Variants in ZFHX3 observed in about 807,000 individuals in gnomAD.
The protein encoded by ZFHX3 is zinc finger homeobox 3.
Under a neutral mutation model 279.1 loss-of-function variants are expected in ZFHX3, and 42 were observed. That is an observed-to-expected ratio of 0.15 (90% CI 0.12 to 0.19). The LOEUF (loss-of-function observed/expected upper bound fraction) is 0.19. Among genes scored for constraint, ZFHX3 ranks in the 10% least tolerant of loss-of-function variants. The probability of loss-of-function intolerance (pLI) is 1.00; values close to 1 mark genes in which losing one functional copy is unlikely to be tolerated. For synonymous variants in ZFHX3, 2,293 were observed against 1,957.8 expected, an observed-to-expected ratio of 1.17 and a Z score of -4.52; for missense variants, 4,981 against 4,754.0, an observed-to-expected ratio of 1.05 and a Z score of -1.40.
At chr16:73,534,577 A>T (rs2019861423) in intron 2 of ZFHX3, among the ~76,000 whole-genome samples, 2 of 152,242 alleles carry the variant, frequency 1.3e-5, no homozygotes, top group African/African-American at 4.8e-5. Flanking sequence ...TTAGAACAGT[A>T]GCTGGCAGAT....
intron 2 of ZFHX3, among the ~76,000 whole-genome samples, chr16:73,668,439 A>T (rs2052867972): frequency 6.6e-6 from 1 of 152,000 alleles, no homozygotes; most frequent in Non-Finnish European, 1.5e-5. Context: ...ATTTCTCCTA[A>T]TGCTATCCCT....
At chr16:72,802,348 G>T (rs955945343) in intron 7 of ZFHX3, among the ~76,000 whole-genome samples, 6 of 152,004 alleles carry the variant, frequency 3.9e-5, no homozygotes, top group Non-Finnish European at 8.8e-5. Flanking sequence ...TTCCTGATTG[G>T]GATTCAAGAA....
At chr16:73,366,588 CAAAA>C (rs61090242) in intron 3 of ZFHX3, among the ~76,000 whole-genome samples, 38 of 121,880 alleles carry the variant, frequency 3.1e-4, no homozygotes, top group African/African-American at 7.5e-4. Flanking sequence ...AAACCAAAAC[CAAAA>C]AAAAAAAAAA....
intron 2 of ZFHX3, among the ~76,000 whole-genome samples, chr16:73,565,731 G>A (rs2143797361): frequency 6.6e-6 from 1 of 152,218 alleles, no homozygotes; most frequent in African/African-American, 2.4e-5. Flanking sequence ...CTCCTACACA[G>A]GTTAGTCCCT....
At chr16:72,999,763 G>C (rs1963427456) in intron 1 of ZFHX3, among the ~76,000 whole-genome samples, 1 of 152,198 alleles carries the variant, frequency 6.6e-6, no homozygotes, top group Non-Finnish European at 1.5e-5. Context: ...CACTTTGGCA[G>C]CAACTCTTGA....
chr16:73,695,603 C>T (rs553644875), intron 1 of ZFHX3, among the ~76,000 whole-genome samples: 19 of 152,294 alleles, frequency 1.2e-4, no homozygotes, highest in African/African-American at 3.6e-4. Flanking sequence ...AAAGGGTATA[C>T]GTTTAGGCTC....
intron 7 of ZFHX3, among the ~76,000 whole-genome samples, chr16:73,122,250 G>A (rs1966507940): frequency 6.6e-6 from 1 of 151,936 alleles, no homozygotes; most frequent in Admixed American, 6.6e-5. Context: ...CTGTAGCCCA[G>A]GCTGGAGTGC....
At chr16:73,521,534 A>G (rs1281787957) in intron 2 of ZFHX3, among the ~76,000 whole-genome samples, 1 of 152,032 alleles carries the variant, frequency 6.6e-6, no homozygotes, top group Non-Finnish European at 1.5e-5. Context: ...TCTGTCTCAC[A>G]CTGACTCTCA....
chr16:73,779,103 C>T (rs542656385), intron 1 of ZFHX3, among the ~76,000 whole-genome samples: 86 of 152,258 alleles, frequency 5.6e-4, no homozygotes, highest in Non-Finnish European at 1.0e-3. Flanking sequence ...GAGTGGCACA[C>T]AGAACCCGTG....
chr16:73,066,754 C>A (rs949059420), intron 8 of ZFHX3, among the ~76,000 whole-genome samples: 1 of 152,216 alleles, frequency 6.6e-6, no homozygotes, highest in Admixed American at 6.5e-5. Context: ...CGCCCAGGCC[C>A]CGTGCCTGCC....
intron 3 of ZFHX3, among the ~76,000 whole-genome samples, chr16:73,384,545 A>T (rs2143377521): frequency 6.6e-6 from 1 of 152,352 alleles, no homozygotes; most frequent in South Asian, 2.1e-4. Context: ...AACATTAAGT[A>T]CCAATCCTGT....
Position 73,815,038 on chromosome 16 carries a change from A to C in ZFHX3, c.-1608+76613T>G, listed in dbSNP as rs576535472. ...CAAATATTAGGAAACATTTCTCCAA[A>C]TACAATGGGAAATGCTAGATAATGT... On this transcript the variant is annotated intron_variant, in intron 1 of 17. Transcript: ENST00000641206. Among the ~76,000 whole-genome samples the C allele has an allele frequency of 3.9e-5, 6 of 152,362 alleles. No individual in the cohort carries two copies. In the South Asian group the frequency reaches 8.3e-4, roughly 21 times the overall value.
chr16:73,309,207 T>G (rs2015265797), intron 4 of ZFHX3, among the ~76,000 whole-genome samples: 1 of 152,190 alleles, frequency 6.6e-6, no homozygotes, highest in Admixed American at 6.5e-5. Context: ...CATAGTTGTT[T>G]TTTTGGATCC....
chr16:73,100,072 G>A (rs1401859830), intron 7 of ZFHX3, among the ~76,000 whole-genome samples: 1 of 152,182 alleles, frequency 6.6e-6, no homozygotes, highest in Admixed American at 6.5e-5. Context: ...AAAGATACCT[G>A]TGGAGAAGCC....
intron 2 of ZFHX3, among the ~76,000 whole-genome samples, chr16:73,596,750 T>C (rs918328488): frequency 6.6e-6 from 1 of 152,226 alleles, no homozygotes; most frequent in Non-Finnish European, 1.5e-5. Flanking sequence ...CTATCTTCTC[T>C]ACTGAACAGT....
intron 2 of ZFHX3, among the ~76,000 whole-genome samples, chr16:73,515,255 A>T (rs1018619752): frequency 6.6e-6 from 1 of 152,184 alleles, no homozygotes; most frequent in African/African-American, 2.4e-5. Flanking sequence ...TCAGTTGCCA[A>T]TTACCAATTC....
chr16:72,829,034 C>T (rs1300306269), intron 5 of ZFHX3, among the ~76,000 whole-genome samples: 6 of 150,800 alleles, frequency 4.0e-5, no homozygotes, highest in East Asian at 3.9e-4. Context: ...CTCACTCTGT[C>T]GCGCAGGCTG....
rs529486278 is a variant in ZFHX3 at position 73,316,433 on chromosome 16, T to C, written c.-1194+1807A>G. On this transcript the variant is annotated intron_variant, in intron 4 of 17. Transcript: ENST00000641206. ...TTGACTGTCCACAGGTCATCACCTA[T>C]GCTGGGCCTTCCCCGTTGCTCTCAA... Among the ~76,000 whole-genome samples the C allele has an allele frequency of 2.0e-5, 3 of 152,244 alleles. No homozygotes were observed. In the East Asian group the frequency reaches 5.8e-4, roughly 29 times the overall value.
intron 5 of ZFHX3, among the ~76,000 whole-genome samples, chr16:73,155,151 T>A (rs8062177): frequency 6.9e-6 from 1 of 145,694 alleles, no homozygotes; most frequent in African/African-American, 2.5e-5. Flanking sequence ...TCAGCCTGGG[T>A]GACAGAGTGA....
Sources: allele counts gnomAD v4.1 joint callset (sites outside exome capture counted in the v4.1 genomes callset), GRCh38; gene constraint gnomAD v4.1.1; transcripts MANE v1.5; gene names NCBI Gene and HGNC (gene_info 2026-07-23, HGNC 2026-07-21).